NIPBL: variants seen among roughly 807,000 people sequenced by gnomAD.
The protein encoded by NIPBL is nipped-B-like protein.
NIPBL carries 19 observed loss-of-function variants against 321.8 expected under a neutral mutation model. The observed-to-expected ratio is 0.06, with a 90% CI of 0.04 to 0.09. The LOEUF is 0.09. Among genes scored for constraint, NIPBL ranks in the 10% least tolerant of loss-of-function variants. NIPBL has a pLI of 1.00. For synonymous variants in NIPBL, 1,106 were observed against 1,114.1 expected, an observed-to-expected ratio of 0.99 and a Z score of 0.14; for missense variants, 2,210 against 3,327.0, an observed-to-expected ratio of 0.66 and a Z score of 8.26.
At chr5:36,884,195 A>G (rs1406314598) in intron 1 of NIPBL, among the ~76,000 whole-genome samples, 3 of 151,726 alleles carry the variant, frequency 2.0e-5, no homozygotes, top group Admixed American at 2.0e-4. Context: ...TGTCCATTTC[A>G]TCTCCCCCAA....
chr5:36,953,711 G>A lies in NIPBL; in HGVS notation c.15G>A (p.Met5Ile). 6.2e-7 allele frequency: 1 copy of A among 1,613,748 alleles called. No homozygotes were observed. The highest frequency in any genetic ancestry group is 8.5e-7 in the Non-Finnish European group (1 of 1,179,732). Residue 5 changes from methionine (M) to isoleucine (I), a missense_variant, in exon 2 of 47, where the codon ATG (methionine) becomes ATA (isoleucine). Met to Ile is a conservative substitution (Grantham distance 10). Coordinates refer to ENST00000282516, the MANE Select transcript of NIPBL (RefSeq NM_133433.4). ...AGAAATTCAGGATGAATGGGGATAT[G>A]CCCCATGTCCCCATTACTACTCTTG... is the stretch of plus-strand genomic sequence containing the variant. MNGDMPHVPITTLAG... is the reference protein window; with the variant it reads MNGDIPHVPITTLAG...
In NIPBL at chr5:36,985,510, C is replaced by G; in HGVS notation, c.2330C>G (p.Pro777Arg). The change falls in exon 10 of 47, where the codon CCT (proline) becomes CGT (arginine). Residue 777 changes from proline to arginine, a missense_variant. Around this residue, in one of 14 missense-constraint regions of NIPBL, gnomAD observed 588 missense variants for 564.1 expected, o/e 1.04. Transcript: ENST00000282516. ...DSGKPSTEKKPEVSKHKQDTK... is the reference protein window; with the variant it reads ...DSGKPSTEKKREVSKHKQDTK... The stretch of plus-strand genomic sequence containing the variant: ...GGAAAGCCATCTACAGAGAAAAAAC[C>G]TGAAGTGTCTAAACATAAACAAGAT... 6.2e-7 allele frequency: 1 copy of G among 1,613,476 alleles called. No individual in the cohort carries two copies. Among genetic ancestry groups the G allele is most frequent in the Non-Finnish European group, 8.5e-7 (1 of 1,179,894 alleles).
At chr5:36,919,857 A>T (rs1748783472) in intron 1 of NIPBL, among the ~76,000 whole-genome samples, 1 of 152,102 alleles carries the variant, frequency 6.6e-6, no homozygotes. Flanking sequence ...TCAATACCAG[A>T]TGACTCAGTA....
chr5:37,007,349 C>T lies in NIPBL; in HGVS notation c.4114C>T (p.Arg1372Trp), dbSNP rs1747560212. ...AGGCTTATTAAGTTCAAAAGCAAAA[C>T]GGGCTAAATGTTCTACCCATAAGCA... ...GGGLLSSKAKRAKCSTHKQRV... is the reference protein window; with the variant it reads ...GGGLLSSKAKWAKCSTHKQRV... Residue 1372 changes from arginine (R) to tryptophan (W), a missense_variant, in exon 18 of 47, where the codon CGG (arginine) becomes TGG (tryptophan). Around this residue, in one of 14 missense-constraint regions of NIPBL, gnomAD observed 381 missense variants for 642.3 expected, o/e 0.59. Transcript: ENST00000282516. 2.5e-6 allele frequency: 4 copies of T among 1,611,996 alleles called. No homozygotes were observed. Among genetic ancestry groups the T allele is most frequent in the Non-Finnish European group, 3.4e-6 (4 of 1,178,590 alleles).
chr5:36,960,371 G>T (rs75688191), intron 4 of NIPBL, among the ~76,000 whole-genome samples: 1 of 111,438 alleles, frequency 9.0e-6, no homozygotes, highest in Non-Finnish European at 2.0e-5. Flanking sequence ...AAAAGAAAAA[G>T]AAAAAAAAAA....
rs146321563 is a variant in NIPBL, at chr5:36,962,130, G to T, written c.466G>T (p.Val156Leu). The T allele has an allele frequency of 1.2e-6, 2 of 1,613,854 alleles. No homozygotes were observed. The highest frequency in any genetic ancestry group is 2.7e-5 in the African/African-American group (2 of 74,838). Reference sequence around the variant, plus strand: ...TTGGGTTTTGGGTTTTAGCCGGTTTGTGCCACCACAGACAAGCTCTGGGAA... The same window carrying T: ...TTGGGTTTTGGGTTTTAGCCGGTTTTTGCCACCACAGACAAGCTCTGGGAA... ...TISHSPSSRF[V>L]PPQTSSGNRF... Residue 156 changes from valine (V) to leucine (L), a missense_variant, in exon 6 of 47, where the codon GTG (valine) becomes TTG (leucine). By Grantham distance (32) the Val-to-Leu change is conservative. Around this residue, in one of 14 missense-constraint regions of NIPBL, gnomAD observed 464 missense variants for 529.5 expected, o/e 0.88. Transcript: ENST00000282516.
intron 34 of NIPBL, among the ~76,000 whole-genome samples, chr5:37,041,721 C>T (rs945856452): frequency 6.6e-6 from 1 of 152,046 alleles, no homozygotes; most frequent in African/African-American, 2.4e-5. Flanking sequence ...TGCACCACCA[C>T]ACCCGGCTAA....
intron 6 of NIPBL, among the ~76,000 whole-genome samples, chr5:36,964,391 TA>T (rs1168492611): frequency 6.6e-5 from 10 of 151,984 alleles, no homozygotes; most frequent in African/African-American, 2.4e-4. Context: ...GATACTAGCA[TA>T]AAAACACATA....
chr5:37,034,110 A>T (rs908785235), intron 32 of NIPBL, among the ~76,000 whole-genome samples: 1 of 152,156 alleles, frequency 6.6e-6, no homozygotes, highest in Non-Finnish European at 1.5e-5. Context: ...CATTTCATGG[A>T]GAAAATAGCA....
intron 16 of NIPBL, among the ~76,000 whole-genome samples, chr5:37,005,044 C>T (rs1294907380): frequency 2.6e-5 from 4 of 152,228 alleles, no homozygotes; most frequent in East Asian, 1.9e-4. Flanking sequence ...AACACAAATT[C>T]GTAAACTTTC....
chr5:36,909,327 A>G (rs1747871556), intron 1 of NIPBL, among the ~76,000 whole-genome samples: 1 of 152,216 alleles, frequency 6.6e-6, no homozygotes, highest in African/African-American at 2.4e-5. Flanking sequence ...TTCACATTGG[A>G]CATGAATAAA....
Position 37,000,899 on chromosome 5 carries a change from A to G in NIPBL, c.3574+11A>G, listed in dbSNP as rs1561138590. On this transcript the variant is annotated intron_variant, in intron 13 of 46. Coordinates refer to ENST00000282516, the MANE Select transcript of NIPBL (RefSeq NM_133433.4). ...AACTAACACCTGAAGGTAACACGTT[A>G]GTTTATTTAATTTGTCTTTATTCAT... 5.0e-6 allele frequency: 8 copies of G among 1,605,046 alleles called. No individual in the cohort carries two copies. The South Asian group carries it at 6.6e-5, about 13-fold the overall frequency.
chr5:37,032,822 G>GA, intron 32 of NIPBL, among the ~76,000 whole-genome samples: 2 of 152,200 alleles, frequency 1.3e-5, no homozygotes, highest in East Asian at 3.9e-4. Context: ...ATGGTCGTTA[G>GA]AGAGTGTTCA....
intron 1 of NIPBL, chr5:36,885,505 A>C: frequency 2.0e-6 from 1 of 507,692 alleles, no homozygotes; most frequent in East Asian, 5.1e-5. Flanking sequence ...TGAGGAGCCT[A>C]GAGACCAAGA....
chr5:36,971,320 T>C (rs1742827321), intron 7 of NIPBL, among the ~76,000 whole-genome samples: 1 of 151,912 alleles, frequency 6.6e-6, no homozygotes, highest in Admixed American at 6.6e-5. Flanking sequence ...GCCTAAAATA[T>C]TTATTCTCTG....
intron 25 of NIPBL, among the ~76,000 whole-genome samples, chr5:37,019,756 T>G (rs1419533698): frequency 2.0e-5 from 3 of 152,186 alleles, no homozygotes; most frequent in Admixed American, 2.0e-4. Flanking sequence ...TATTGGATTT[T>G]TATATGTATA....
At chr5:36,980,360 T>C (rs1336189860) in intron 9 of NIPBL, among the ~76,000 whole-genome samples, 6 of 151,814 alleles carry the variant, frequency 4.0e-5, no homozygotes, top group Admixed American at 1.3e-4. Context: ...GTTTTGCTGA[T>C]TTCATATTAT....
At position 37,042,377 on chromosome 5, in the gene NIPBL, G is replaced by A. The variant is rs1011169469; in HGVS notation, c.6109-1970G>A. ...TTGAACCTTGGAGGCGGAGGTTGCA[G>A]TGAGCCGAGACTGTGCTACTGCACT... On this transcript the variant is annotated intron_variant, in intron 34 of 46. Coordinates refer to ENST00000282516, the MANE Select transcript of NIPBL (RefSeq NM_133433.4). Among the ~76,000 whole-genome samples the A allele has an allele frequency of 5.3e-5, 8 of 152,100 alleles. 1 individual carries two copies. Among genetic ancestry groups the A allele is most frequent in the African/African-American group, 1.9e-4 (8 of 41,408 alleles).
chr5:36,887,832 A>G (rs1746031825), intron 1 of NIPBL, among the ~76,000 whole-genome samples: 1 of 152,220 alleles, frequency 6.6e-6, no homozygotes, highest in Non-Finnish European at 1.5e-5. Context: ...CAGAAATTCC[A>G]TAGTATGTAA....
Sources: allele counts gnomAD v4.1 joint callset (sites outside exome capture counted in the v4.1 genomes callset), GRCh38; gene constraint gnomAD v4.1.1; regional missense constraint gnomAD v4.1.1; transcripts MANE v1.5; gene names NCBI Gene and HGNC (gene_info 2026-07-23, HGNC 2026-07-21).